SLC39A12: variants seen among roughly 807,000 people sequenced by gnomAD.
The protein encoded by SLC39A12 is zinc transporter ZIP12.
In SLC39A12, 63 loss-of-function variants were observed where a neutral mutation model predicts 71.1. The observed-to-expected ratio is 0.89, with a 90% confidence interval of 0.72 to 1.09. SLC39A12 has a LOEUF of 1.09. Ranked by LOEUF, SLC39A12 falls within the 50% of genes least tolerant of loss-of-function variation. SLC39A12 has a pLI of 0.00. For synonymous variants in SLC39A12, 351 were observed against 301.3 expected (o/e 1.16, Z -1.71); for missense variants, 892 against 812.6 (o/e 1.10, Z -1.19).
intron 11 of SLC39A12, among the ~76,000 whole-genome samples, chr10:18,001,503 G>A (rs1366810637): frequency 6.6e-6 from 1 of 152,148 alleles, no homozygotes; most frequent in Non-Finnish European, 1.5e-5. Context: ...AACAGAGTGA[G>A]ACTCCATCTC....
At chr10:17,959,422 A>T (rs1834630349) in intron 2 of SLC39A12, among the ~76,000 whole-genome samples, 1 of 151,990 alleles carries the variant, frequency 6.6e-6, no homozygotes, top group African/African-American at 2.4e-5. Flanking sequence ...TGATTTGGAG[A>T]TGGATGACAT....
intron 12 of SLC39A12, among the ~76,000 whole-genome samples, chr10:18,028,391 A>G (rs2488122): frequency 0.52 from 79,467 of 152,058 alleles, 21,418 homozygotes; most frequent in Non-Finnish European, 0.59. Context: ...GAAATATTTG[A>G]TAATGGGTCT....
chr10:17,955,338 A>G (rs187007045), intron 2 of SLC39A12, among the ~76,000 whole-genome samples: 2 of 152,310 alleles, frequency 1.3e-5, no homozygotes, highest in African/African-American at 4.8e-5. Flanking sequence ...TCTCTGTGAA[A>G]GAAAGGCAGG....
rs1293055625 is a variant in SLC39A12, at chr10:17,978,184, GA to G, written c.924+114del. The G allele has an allele frequency of 1.7e-5, 15 of 873,216 alleles. No homozygotes were observed. In the East Asian group the frequency reaches 4.2e-4, roughly 25 times the overall value. The allele number at this position is 873,216 out of a possible 1,614,324, so 54.1% of individuals were successfully genotyped here. On this transcript the variant is annotated intron_variant, in intron 5 of 12. Coordinates refer to ENST00000377369, the MANE Select transcript of SLC39A12 (RefSeq NM_001145195.2). ...CTTAAAGAGTATTGTGTATTATCTT[GA>G]AAAGTAAAAATATTCTAGTTCCACC...
intron 4 of SLC39A12, among the ~76,000 whole-genome samples, chr10:17,973,897 ATT>A (rs35451434): frequency 3.4e-5 from 5 of 147,052 alleles, no homozygotes; most frequent in East Asian, 4.0e-4. Flanking sequence ...GTCGTGCTTT[ATT>A]TTTTTTTTTA....
intron 6 of SLC39A12, among the ~76,000 whole-genome samples, chr10:17,982,278 G>A (rs943226358): frequency 1.3e-5 from 2 of 152,032 alleles, no homozygotes; most frequent in Non-Finnish European, 2.9e-5. Flanking sequence ...TGAACTGTAA[G>A]GTTCAAATGG....
rs1235891052 is a variant in SLC39A12 at position 18,043,257 on chromosome 10, C to G, written c.*424C>G. 6.5e-6 allele frequency: 1 copy of G among 153,126 alleles called. No homozygotes were observed. The highest frequency in any genetic ancestry group is 1.5e-5 in the Non-Finnish European group (1 of 68,494). 9.5% of individuals were successfully genotyped at this position (153,126 alleles called of 1,614,324 possible). A position where few individuals can be genotyped will look rare whatever the true frequency, so the allele number is the denominator to read the frequency against. Reference sequence around the variant, plus strand: ...TATAAACTATAAGCAAGTTAAGTGACAAGCAAATGTAATAAAGACTAGTTT... The same window carrying G: ...TATAAACTATAAGCAAGTTAAGTGAGAAGCAAATGTAATAAAGACTAGTTT... On this transcript the variant is annotated 3_prime_UTR_variant, in exon 13 of 13. Coordinates refer to ENST00000377369, the MANE Select transcript of SLC39A12 (RefSeq NM_001145195.2).
chr10:17,977,465 G>A (rs559483032), intron 4 of SLC39A12, among the ~76,000 whole-genome samples: 147 of 152,156 alleles, frequency 9.7e-4, no homozygotes, highest in African/African-American at 3.4e-3. Context: ...GAGCTATACT[G>A]AGGGAAACTA....
At chr10:18,032,964 G>A (rs1469108196) in intron 12 of SLC39A12, among the ~76,000 whole-genome samples, 87 of 145,974 alleles carry the variant, frequency 6.0e-4, no homozygotes, top group Non-Finnish European at 9.5e-4. Context: ...ATTGATTTGC[G>A]TATATTGAAC....
chr10:17,981,234 C>T, intron 5 of SLC39A12, 78 bp from the exon 6 acceptor site: 1 of 1,325,976 alleles, frequency 7.5e-7, no homozygotes, highest in East Asian at 2.3e-5. Flanking sequence ...AGAATTCACT[C>T]CTCAAGGATG....
intron 7 of SLC39A12, 60 bp from the exon 8 acceptor site, chr10:17,991,091 A>T: frequency 2.7e-6 from 4 of 1,470,256 alleles, no homozygotes; most frequent in Non-Finnish European, 3.6e-6. Flanking sequence ...TTAATAGTTA[A>T]GTCATCAAGA....
At chr10:17,994,979 G>A (rs532425352) in intron 9 of SLC39A12, among the ~76,000 whole-genome samples, 6 of 152,248 alleles carry the variant, frequency 3.9e-5, no homozygotes, top group Admixed American at 3.3e-4. Context: ...TATATTTTCA[G>A]AAATTGGTCT....
intron 12 of SLC39A12, among the ~76,000 whole-genome samples, chr10:18,014,982 A>G (rs1836335602): frequency 6.6e-6 from 1 of 152,240 alleles, no homozygotes; most frequent in Admixed American, 6.5e-5. Flanking sequence ...TACAACAACT[A>G]GCAAGATGGC....
chr10:18,028,247 GA>G (rs1406598412), intron 12 of SLC39A12, among the ~76,000 whole-genome samples: 1 of 152,192 alleles, frequency 6.6e-6, no homozygotes, highest in East Asian at 1.9e-4. Context: ...ATCAGTAAAT[GA>G]ATATTGTTTC....
Position 18,042,819 on chromosome 10 carries a change from A to C in SLC39A12, c.2062A>C (p.Asn688His). ...SLLLLAIYEQNIKI is the reference protein window; with the variant it reads ...SLLLLAIYEQHIKI ...CCTGCTCTTGGCTATATATGAGCAA[A>C]ATATTAAAATATAAGTGAGGATCTT... Residue 688 changes from asparagine to histidine, a missense_variant, in exon 13 of 13, where the codon AAT (asparagine) becomes CAT (histidine). By Grantham distance (68) the Asn-to-His change is moderately conservative. Coordinates refer to ENST00000377369, the MANE Select transcript of SLC39A12 (RefSeq NM_001145195.2). 6 of 1,606,418 alleles carry C rather than the reference A, an allele frequency of 3.7e-6. No homozygotes were observed. The highest frequency in any genetic ancestry group is 4.2e-6 in the Non-Finnish European group (5 of 1,177,382).
chr10:17,963,598 T>C (rs969064233), intron 3 of SLC39A12, among the ~76,000 whole-genome samples: 8 of 152,226 alleles, frequency 5.3e-5, no homozygotes, highest in African/African-American at 1.9e-4. Context: ...CTGTCTCTAG[T>C]TCCTGGGAAG....
rs562357984 is a variant in SLC39A12, at chr10:17,961,310, G to T, written c.262-271G>T. 6.6e-5 allele frequency among the ~76,000 whole-genome samples: 10 copies of T among 152,272 alleles called. No individual in the cohort carries two copies. The South Asian group carries it at 2.1e-3, about 32-fold the overall frequency. ...AATGGGCATCACTTTAAAAGCCAAAGAATAATCTGTTTTACACAAGGCAAC... is the reference window on the plus strand; with the variant it reads ...AATGGGCATCACTTTAAAAGCCAAATAATAATCTGTTTTACACAAGGCAAC... On this transcript the variant is annotated intron_variant, in intron 2 of 12. Transcript: ENST00000377369.
rs1564644518 is a variant in SLC39A12, at chr10:17,978,046, C to G, written c.896C>G (p.Ser299Cys). Residue 299 changes from serine (S) to cysteine (C), a missense_variant, in exon 5 of 13, where the codon TCT (serine) becomes TGT (cysteine). Coordinates refer to ENST00000377369, the MANE Select transcript of SLC39A12 (RefSeq NM_001145195.2). ...SNFSSSMEKESEDGPVSWDQT... is the reference protein window; with the variant it reads ...SNFSSSMEKECEDGPVSWDQT... ...TTCTCTTCATCCATGGAAAAAGAGT[C>G]TGAGGATGGTCCAGTTTCCTGGGAT... 1 of 1,604,058 alleles carries G rather than the reference C, an allele frequency of 6.2e-7. No individual in the cohort carries two copies. The highest frequency in any genetic ancestry group is 2.3e-5 in the East Asian group (1 of 44,364).
In SLC39A12 at chr10:18,014,054, T is replaced by C. The variant is rs536741492; in HGVS notation, c.1947+10696T>C. Among the ~76,000 whole-genome samples, 11 of 152,304 alleles carry C rather than the reference T, an allele frequency of 7.2e-5. No individual in the cohort carries two copies. The East Asian group carries it at 1.3e-3, about 19-fold the overall frequency. On this transcript the variant is annotated intron_variant, in intron 12 of 12. Coordinates refer to ENST00000377369, the MANE Select transcript of SLC39A12 (RefSeq NM_001145195.2). Reference sequence around the variant, plus strand: ...CGTTTAGTCTGTACTTTAAGTAGTATTGATATCTTAATAATACTAAATTTT... The same window carrying C: ...CGTTTAGTCTGTACTTTAAGTAGTACTGATATCTTAATAATACTAAATTTT...
Sources: gnomAD v4.1 joint callset for allele counts (sites outside exome capture counted in the v4.1 genomes callset) on GRCh38, gnomAD v4.1.1 for gene constraint, MANE v1.5 for transcripts, NCBI Gene and HGNC (gene_info 2026-07-23, HGNC 2026-07-21) for gene names.